The following GAB2 variants were observed in gnomAD, a reference collection of about 807,000 sequenced individuals.
The protein encoded by GAB2 is GRB2-associated-binding protein 2.
Under a neutral mutation model 65.5 loss-of-function variants are expected in GAB2, and 26 were observed. The observed-to-expected ratio is 0.40, with a 90% CI of 0.29 to 0.55. GAB2 has a LOEUF of 0.55. Among genes scored for constraint, GAB2 ranks in the 20% least tolerant of loss-of-function variants. The pLI is 0.53. For missense variants in GAB2, 884 were observed against 875.8 expected (o/e 1.01, Z -0.12); for synonymous variants, 321 against 329.6 (o/e 0.97, Z 0.28).
intron 1 of GAB2, among the ~76,000 whole-genome samples, chr11:78,397,175 T>C (rs917168655): frequency 2.6e-5 from 4 of 152,162 alleles, no homozygotes; most frequent in African/African-American, 9.7e-5. Flanking sequence ...CCAAAACCTG[T>C]TGCAAAACAA....
chr11:78,278,192 C>G (rs933871202), intron 2 of GAB2, among the ~76,000 whole-genome samples: 1 of 151,780 alleles, frequency 6.6e-6, no homozygotes, highest in Admixed American at 6.6e-5. Context: ...GCCTCAGCCT[C>G]CCAAGTAGCT....
intron 1 of GAB2, among the ~76,000 whole-genome samples, chr11:78,369,061 C>T (rs1211186789): frequency 1.3e-5 from 2 of 151,244 alleles, no homozygotes; most frequent in Admixed American, 6.6e-5. Flanking sequence ...TCACTTGAGC[C>T]CAGGAGGTCA....
In GAB2 at chr11:78,414,941, G is replaced by A. The variant is rs530843836; in HGVS notation, c.75+2705C>T. On this transcript the variant is annotated intron_variant, in intron 1 of 9. Coordinates refer to ENST00000361507, the MANE Select transcript of GAB2 (RefSeq NM_080491.3). Reference sequence around the variant, plus strand: ...GGCTGGAGTGCAGTGGTACGATCTCGGCTCACTGCAACCTCAGCCTCCCGG... The same window carrying A: ...GGCTGGAGTGCAGTGGTACGATCTCAGCTCACTGCAACCTCAGCCTCCCGG... 4.1e-4 allele frequency among the ~76,000 whole-genome samples: 63 copies of A among 151,902 alleles called. 1 individual carries two copies. Among genetic ancestry groups the A allele is most frequent in the Admixed American group, 7.9e-4 (12 of 15,236 alleles).
In GAB2 at chr11:78,391,825, T is replaced by C. The variant is rs369016833; in HGVS notation, c.75+25821A>G. 2.0e-5 allele frequency among the ~76,000 whole-genome samples: 3 copies of C among 152,048 alleles called. No individual in the cohort carries two copies. The East Asian group carries it at 5.8e-4, about 29-fold the overall frequency. ...TGACCCACACAATCTGTGAGTAAAA[T>C]AAAATGGTTACCTTATGGCATTAAC... On this transcript the variant is annotated intron_variant, in intron 1 of 9. Transcript: ENST00000361507.
intron 1 of GAB2, among the ~76,000 whole-genome samples, chr11:78,404,166 T>C (rs1857009841): frequency 6.6e-6 from 1 of 152,222 alleles, no homozygotes. Flanking sequence ...CCATGCTTAT[T>C]ATAGTAGCCA....
rs1391751250 is a variant in GAB2 at position 78,218,660 on chromosome 11, T to G, written c.*612A>C. 1 of 153,070 alleles carries G rather than the reference T, an allele frequency of 6.5e-6. No homozygotes were observed. Among genetic ancestry groups the G allele is most frequent in the African/African-American group, 2.4e-5 (1 of 41,474 alleles). The allele number at this position is 153,070 out of a possible 1,614,324, so 9.5% of individuals were successfully genotyped here. A position where few individuals can be genotyped will look rare whatever the true frequency, so the allele number is the denominator to read the frequency against. ...AGTGGGTTCCCTGCAGATGTCAGCT[T>G]TCCCTCTTCATCTGGGCATCTAAGT... On this transcript the variant is annotated 3_prime_UTR_variant, in exon 10 of 10. Coordinates refer to ENST00000361507, the MANE Select transcript of GAB2 (RefSeq NM_080491.3).
chr11:78,334,773 T>C (rs3133323), intron 1 of GAB2, among the ~76,000 whole-genome samples: 142,013 of 152,264 alleles, frequency 0.93, 66,633 homozygotes, highest in African/African-American at 0.99. Flanking sequence ...AATACTCAGC[T>C]GTGGGATTGC....
intron 1 of GAB2, among the ~76,000 whole-genome samples, chr11:78,362,190 A>T (rs1370311281): frequency 6.6e-6 from 1 of 152,118 alleles, no homozygotes; most frequent in Non-Finnish European, 1.5e-5. Context: ...ATATTCTAAC[A>T]TATCTAATAT....
At chr11:78,380,290 C>T (rs1271188284) in intron 1 of GAB2, among the ~76,000 whole-genome samples, 1 of 152,082 alleles carries the variant, frequency 6.6e-6, no homozygotes, top group African/African-American at 2.4e-5. Flanking sequence ...TCACTGCAAC[C>T]TCCGCCTCCC....
In GAB2 at chr11:78,250,152, C is replaced by T; in HGVS notation, c.620+5G>A. The T allele has an allele frequency of 6.2e-7, 1 of 1,612,318 alleles. No individual in the cohort carries two copies. The highest frequency in any genetic ancestry group is 8.5e-7 in the Non-Finnish European group (1 of 1,179,852). On this transcript the variant is annotated splice_donor_5th_base_variant and intron_variant, in intron 3 of 9. Coordinates refer to ENST00000361507, the MANE Select transcript of GAB2 (RefSeq NM_080491.3). ...ACCCACCTAATGGCTGTGGCAGCCT[C>T]CTACCTTGCATTTTCTGCTCTTCGG... is the stretch of plus-strand genomic sequence containing the variant.
intron 1 of GAB2, among the ~76,000 whole-genome samples, chr11:78,391,572 G>C (rs925842914): frequency 6.6e-6 from 1 of 152,218 alleles, no homozygotes; most frequent in African/African-American, 2.4e-5. Flanking sequence ...TGCCATGAGA[G>C]GAAGCCTGGG....
intron 1 of GAB2, among the ~76,000 whole-genome samples, chr11:78,348,682 A>T (rs2134701164): frequency 6.6e-6 from 1 of 152,348 alleles, no homozygotes; most frequent in Non-Finnish European, 1.5e-5. Context: ...AAAAAGTTTA[A>T]CACGTATCTA....
In GAB2 at chr11:78,226,674, T is replaced by G; in HGVS notation, c.998A>C (p.Asp333Ala). The G allele has an allele frequency of 6.2e-7, 1 of 1,614,036 alleles. No individual in the cohort carries two copies. The highest frequency in any genetic ancestry group is 8.5e-7 in the Non-Finnish European group (1 of 1,180,002). ...CACTGTCATGGCATTGTGGTTTTTGTCCAGAGTGAATGTCCTAGGGATCTG... is the reference window on the plus strand; with the variant it reads ...CACTGTCATGGCATTGTGGTTTTTGGCCAGAGTGAATGTCCTAGGGATCTG... ...AYQIPRTFTLDKNHNAMTVAT... is the reference protein window; with the variant it reads ...AYQIPRTFTLAKNHNAMTVAT... Residue 333 changes from aspartate to alanine, a missense_variant, in exon 4 of 10, where the codon GAC becomes GCC. By Grantham distance (126) the Asp-to-Ala change is moderately radical. Transcript: ENST00000361507.
chr11:78,231,790 C>T (rs1864859635), intron 3 of GAB2: 1 of 152,182 alleles, frequency 6.6e-6, no homozygotes, highest in Non-Finnish European at 1.5e-5. Context: ...TCCAAGAACC[C>T]TAATGATGAA....
chr11:78,263,493 C>T (rs1318982904), intron 2 of GAB2, among the ~76,000 whole-genome samples: 1 of 151,872 alleles, frequency 6.6e-6, no homozygotes, highest in Non-Finnish European at 1.5e-5. Flanking sequence ...ATTAGCTGGG[C>T]ATGGTGGTGG....
intron 3 of GAB2, among the ~76,000 whole-genome samples, chr11:78,243,715 G>A (rs1184374255): frequency 2.6e-5 from 4 of 151,508 alleles, no homozygotes; most frequent in East Asian, 2.0e-4. Flanking sequence ...ACAGTGGCAC[G>A]TGCCTGTAGT....
rs113141134 is a variant in GAB2 at position 78,311,869 on chromosome 11, A to C, written c.76-30968T>G. Among the ~76,000 whole-genome samples, 1,428 of 152,290 alleles carry C rather than the reference A, an allele frequency of 9.4e-3. 32 individuals are homozygous for C. Among genetic ancestry groups the C allele is most frequent in the African/African-American group, 0.033 (1,364 of 41,550 alleles). On this transcript the variant is annotated intron_variant, in intron 1 of 9. Transcript: ENST00000361507. ...CAGAAGCTCAATCCCACCAGGTCAT[A>C]CAGAGGCCAGAGCCCTGAGGCCCTG...
intron 1 of GAB2, among the ~76,000 whole-genome samples, chr11:78,311,748 T>C (rs2134645066): frequency 6.6e-6 from 1 of 152,228 alleles, no homozygotes; most frequent in African/African-American, 2.4e-5. Flanking sequence ...TACAATTAGT[T>C]TACCAGAGTA....
At chr11:78,261,571 G>A (rs1212407998) in intron 2 of GAB2, among the ~76,000 whole-genome samples, 16 of 152,140 alleles carry the variant, frequency 1.1e-4, no homozygotes, top group Admixed American at 9.8e-4. Context: ...TATACCTATC[G>A]TACCCCTTAG....
Sources: allele counts gnomAD v4.1 joint callset (sites outside exome capture counted in the v4.1 genomes callset), GRCh38; gene constraint gnomAD v4.1.1; transcripts MANE v1.5; gene names NCBI Gene and HGNC (gene_info 2026-07-23, HGNC 2026-07-21).